The following ADAMTS20 variants were observed in gnomAD, a reference collection of about 807,000 sequenced individuals.
ADAMTS20 encodes the protein ADAM metallopeptidase with thrombospondin type 1 motif 20.
In ADAMTS20, 225 loss-of-function variants were observed where a neutral mutation model predicts 260.1. The observed-to-expected ratio is 0.87, with a 90% CI of 0.78 to 0.97. ADAMTS20 has a LOEUF of 0.97. ADAMTS20 is among the 50% of genes least tolerant of loss of function. The pLI is 0.00. For synonymous variants in ADAMTS20, 802 were observed against 769.5 expected (o/e 1.04, Z -0.70); for missense variants, 2,400 against 2,337.7 (o/e 1.03, Z -0.55).
chr12:43,394,271 C>A (rs1378052071), intron 29 of ADAMTS20, among the ~76,000 whole-genome samples: 1 of 152,094 alleles, frequency 6.6e-6, no homozygotes, highest in Non-Finnish European at 1.5e-5. Flanking sequence ...GAACACTAGA[C>A]AACTGACAGC....
At chr12:43,538,188 T>C (rs2137515775) in intron 2 of ADAMTS20, among the ~76,000 whole-genome samples, 1 of 152,354 alleles carries the variant, frequency 6.6e-6, no homozygotes, top group African/African-American at 2.4e-5. Context: ...TGTTATTGCC[T>C]GTTTTTTGGA....
chr12:43,499,566 A>C (rs920267890), intron 4 of ADAMTS20, among the ~76,000 whole-genome samples: 3 of 149,958 alleles, frequency 2.0e-5, no homozygotes, highest in African/African-American at 7.4e-5. Context: ...TCGGCTGGGA[A>C]CCGAGATTCC....
chr12:43,429,299 T>C (rs774384873), intron 24 of ADAMTS20, among the ~76,000 whole-genome samples: 1 of 152,294 alleles, frequency 6.6e-6, no homozygotes, highest in East Asian at 1.9e-4. Context: ...AAAATGTTTG[T>C]AGTTCAAATA....
rs1942778752 is a variant in ADAMTS20 at position 43,502,271 on chromosome 12, T to C, written c.748A>G (p.Arg250Gly). The C allele has an allele frequency of 1.9e-6, 3 of 1,612,182 alleles. No homozygotes were observed. The East Asian group carries it at 6.7e-5, about 36-fold the overall frequency. The change falls in exon 4 of 39, where the codon AGG becomes GGG. Residue 250 changes from arginine (R) to glycine (G), a missense_variant. Arg to Gly is a moderately radical substitution (Grantham distance 125, BLOSUM62 -2). Coordinates refer to ENST00000389420, the MANE Select transcript of ADAMTS20 (RefSeq NM_025003.5). ...VPLKDERRHS[R>G]KKRLISYPRY... ...GGATATGATATAAGACGTTTTTTCC[T>C]GGAATGTCTTCTTTCATCTTTCAAT...
Position 43,369,293 on chromosome 12 carries a change from T to C in ADAMTS20, c.5535A>G (p.Pro1845=), listed in dbSNP as rs1322242880. 6.6e-7 allele frequency: 1 copy of C among 1,508,502 alleles called. No individual in the cohort carries two copies. Among genetic ancestry groups the C allele is most frequent in the African/African-American group, 1.4e-5 (1 of 70,086 alleles). 93.4% of individuals were successfully genotyped at this position (1,508,502 alleles called of 1,614,324 possible). A position where few individuals can be genotyped will look rare whatever the true frequency, so the allele number is the denominator to read the frequency against. Residue 1845 remains proline (P), a synonymous_variant, in exon 37 of 39, where the codon CCA becomes CCG. Coordinates refer to ENST00000389420, the MANE Select transcript of ADAMTS20 (RefSeq NM_025003.5). ...TAATCAAACAAATATGAAATACCTG[T>C]GGGCATCTGAAAGCACTGTAGCAAT... ...AGDCYSAFRC[P]QGQFSINLSG...
At chr12:43,358,435 C>T (rs1443390561) in intron 37 of ADAMTS20, among the ~76,000 whole-genome samples, 1 of 152,140 alleles carries the variant, frequency 6.6e-6, no homozygotes, top group Non-Finnish European at 1.5e-5. Flanking sequence ...AAAAATACAT[C>T]TCACTCATTT....
intron 2 of ADAMTS20, among the ~76,000 whole-genome samples, chr12:43,536,506 T>C (rs1441696120): frequency 1.4e-5 from 1 of 71,914 alleles, no homozygotes; most frequent in African/African-American, 3.7e-5. Flanking sequence ...ATAAGTGCAA[T>C]AAAAAATAAA....
chr12:43,494,751 T>C (rs1182064256), intron 4 of ADAMTS20, among the ~76,000 whole-genome samples: 1 of 152,142 alleles, frequency 6.6e-6, no homozygotes, highest in Non-Finnish European at 1.5e-5. Flanking sequence ...TATATATTCA[T>C]TTTACAGGCA....
At position 43,466,766 on chromosome 12, in the gene ADAMTS20, C is replaced by T. The variant is rs924089361; in HGVS notation, c.1253G>A (p.Arg418Lys). ...TLGVQHDDNP[R>K]CKEMKVTKYH... ...CTTTGTAACTTTCATTTCTTTACAT[C>T]TAGGATTATCATCATGTTGAACACC... Residue 418 changes from arginine to lysine, a missense_variant, in exon 9 of 39, where the codon AGA becomes AAA. Physicochemically the swap from Arg to Lys is conservative, Grantham distance 26. Transcript: ENST00000389420. 6 of 1,604,636 alleles carry T rather than the reference C, an allele frequency of 3.7e-6. No homozygotes were observed. In the African/African-American group the frequency reaches 5.4e-5, roughly 14 times the overall value.
intron 37 of ADAMTS20, among the ~76,000 whole-genome samples, chr12:43,365,988 C>A (rs1347632833): frequency 6.6e-6 from 1 of 151,578 alleles, no homozygotes; most frequent in African/African-American, 2.4e-5. Context: ...ACAAAGACAA[C>A]ATGAAACATA....
intron 4 of ADAMTS20, 95 bp downstream of exon 4, chr12:43,502,057 C>A: frequency 3.3e-6 from 4 of 1,215,126 alleles, no homozygotes; most frequent in South Asian, 1.6e-5. Context: ...AAAATTACAT[C>A]TAAAGAGTTT....
At chr12:43,398,489 C>T (rs1432424485) in intron 29 of ADAMTS20, among the ~76,000 whole-genome samples, 2 of 152,138 alleles carry the variant, frequency 1.3e-5, no homozygotes, top group South Asian at 2.1e-4. Context: ...TCTCTGACAA[C>T]TTCCTAACTC....
At chr12:43,357,384 T>C (rs1416494583) in intron 37 of ADAMTS20, among the ~76,000 whole-genome samples, 1 of 152,196 alleles carries the variant, frequency 6.6e-6, no homozygotes, top group Non-Finnish European at 1.5e-5. Flanking sequence ...TTGAGCAAGA[T>C]TGTGATGAAA....
At position 43,552,065 on chromosome 12, in the gene ADAMTS20, C is replaced by T. The variant is rs1240111949; in HGVS notation, c.-144G>A. ...AGCCTAGGGAACAGCAGCGCGGGCC[C>T]TGGGCCGGCTGGTCCAGCCACACCG... On this transcript the variant is annotated 5_prime_UTR_variant, in exon 1 of 39. Transcript: ENST00000389420. 4.5e-6 allele frequency: 3 copies of T among 663,092 alleles called. No individual in the cohort carries two copies. The highest frequency in any genetic ancestry group is 7.8e-6 in the Non-Finnish European group (3 of 383,426). The allele number at this position is 663,092 out of a possible 1,614,324, so 41.1% of individuals were successfully genotyped here.
At chr12:43,423,642 C>T (rs6582463) in intron 28 of ADAMTS20, 499,668 of 679,818 alleles carry the variant, frequency 0.74, 187,736 homozygotes, top group East Asian at 1. Context: ...AACAGAGACA[C>T]AGTAAGCAGA....
chr12:43,430,259 A>G (rs1487045286), intron 23 of ADAMTS20, 93 bp downstream of exon 23: 2 of 1,422,186 alleles, frequency 1.4e-6, no homozygotes, highest in African/African-American at 2.8e-5. Flanking sequence ...TACAAGTTTA[A>G]GTGGAAAAAA....
chr12:43,411,016 A>C (rs189616737), intron 28 of ADAMTS20, among the ~76,000 whole-genome samples: 72 of 152,338 alleles, frequency 4.7e-4, no homozygotes, highest in Admixed American at 2.6e-3. Flanking sequence ...TTTTAAAGAT[A>C]TGATAAAAAG....
chr12:43,466,604 A>G, intron 9 of ADAMTS20, 48 bp downstream of exon 9: 1 of 1,536,176 alleles, frequency 6.5e-7, no homozygotes, highest in Middle Eastern at 1.7e-4. Context: ...TCAATTTCAA[A>G]TCTTATAATC....
chr12:43,522,523 T>C (rs1204597950), intron 3 of ADAMTS20, among the ~76,000 whole-genome samples: 2 of 152,084 alleles, frequency 1.3e-5, no homozygotes, highest in African/African-American at 2.4e-5. Flanking sequence ...ACAGAGTGGG[T>C]GACAGAGGAA....
Sources: gnomAD v4.1 joint callset for allele counts (sites outside exome capture counted in the v4.1 genomes callset) on GRCh38, gnomAD v4.1.1 for gene constraint, MANE v1.5 for transcripts, NCBI Gene and HGNC (gene_info 2026-07-23, HGNC 2026-07-21) for gene names.